The following VAMP7 variants were observed in gnomAD, a reference collection of about 807,000 sequenced individuals.
VAMP7 encodes the protein vesicle-associated membrane protein 7.
A neutral mutation model predicts 29.6 loss-of-function variants in VAMP7; 14 were observed. The ratio of observed to expected loss-of-function variants is 0.47; its 90% CI spans 0.31 to 0.74. The LOEUF (loss-of-function observed/expected upper bound fraction) is 0.74, where lower values mean the gene tolerates loss of function less well. Among genes scored for constraint, VAMP7 ranks in the 30% least tolerant of loss-of-function variants. VAMP7 has a pLI of 0.05. For synonymous variants in VAMP7, 95 were observed against 88.1 expected (o/e 1.08, Z -0.44); for missense variants, 223 against 262.4 (o/e 0.85, Z 1.04).
intron 6 of VAMP7, among the ~76,000 whole-genome samples, chrX:155,921,489 C>G (rs1428067845): frequency 6.6e-6 from 1 of 152,112 alleles, no homozygotes; most frequent in Non-Finnish European, 1.5e-5. Flanking sequence ...TTATTTGTGT[C>G]TGGCCTCTTT....
chrX:155,888,616 A>G lies in VAMP7; in HGVS notation c.-9-842A>G, dbSNP rs191585276. On this transcript the variant is annotated intron_variant, in intron 1 of 7. Transcript: ENST00000286448. ...GAAATAATAGCACATATTCATAGGCAGACATAAGGAAAATAATCTTAAACT... is the reference window on the plus strand; with the variant it reads ...GAAATAATAGCACATATTCATAGGCGGACATAAGGAAAATAATCTTAAACT... Among the ~76,000 whole-genome samples, 55 of 152,332 alleles carry G rather than the reference A, an allele frequency of 3.6e-4. 1 individual carries two copies. Among genetic ancestry groups the G allele is most frequent in the African/African-American group, 1.3e-3 (52 of 41,576 alleles).
intron 5 of VAMP7, among the ~76,000 whole-genome samples, chrX:155,904,664 C>T (rs1309043309): frequency 1.3e-5 from 2 of 151,916 alleles, no homozygotes; most frequent in Non-Finnish European, 2.9e-5. Flanking sequence ...CTGGACATTT[C>T]GTATAAATGG....
At chrX:155,930,687 T>C (rs1312612625) in intron 6 of VAMP7, among the ~76,000 whole-genome samples, 5 of 150,226 alleles carry the variant, frequency 3.3e-5, no homozygotes, top group African/African-American at 1.2e-4. Flanking sequence ...TAATTCTTTT[T>C]TATTTTTTAT....
intron 5 of VAMP7, among the ~76,000 whole-genome samples, chrX:155,907,280 A>C (rs776215985): frequency 6.7e-6 from 1 of 150,106 alleles, no homozygotes; most frequent in South Asian, 2.1e-4. Context: ...TATTTATTTT[A>C]TTATTTTTTT....
chrX:155,905,355 G>A (rs753152812), intron 5 of VAMP7, among the ~76,000 whole-genome samples: 11 of 152,004 alleles, frequency 7.2e-5, no homozygotes, highest in African/African-American at 2.7e-4. Flanking sequence ...CAAATATTTT[G>A]CTCTATTCTG....
rs1791798292 is a variant in VAMP7, at chrX:155,943,373, T to C, written c.*1422T>C. The C allele has an allele frequency of 6.6e-6, 1 of 152,338 alleles. No individual in the cohort carries two copies. Among genetic ancestry groups the C allele is most frequent in the Non-Finnish European group, 1.5e-5 (1 of 67,984 alleles). 9.4% of individuals were successfully genotyped at this position (152,338 alleles called of 1,614,324 possible). A position where few individuals can be genotyped will look rare whatever the true frequency, so the allele number is the denominator to read the frequency against. On this transcript the variant is annotated 3_prime_UTR_variant, in exon 8 of 8. Transcript: ENST00000286448. ...TGTTCTTCTATCCAAACCTTTCAAT[T>C]CATGCTACCTGATTCATTTATTTGA...
At chrX:155,902,699 T>G (rs2066083221) in intron 5 of VAMP7, among the ~76,000 whole-genome samples, 1 of 152,034 alleles carries the variant, frequency 6.6e-6, no homozygotes, top group Non-Finnish European at 1.5e-5. Flanking sequence ...TGAACCAGCC[T>G]TGCATCCCAG....
intron 5 of VAMP7, among the ~76,000 whole-genome samples, chrX:155,917,871 G>C (rs1047855620): frequency 5.9e-5 from 9 of 152,170 alleles, no homozygotes; most frequent in African/African-American, 2.2e-4. Flanking sequence ...CGAACTGGCA[G>C]GCAGGAACGT....
At chrX:155,881,846 C>T (rs1374786956) in intron 1 of VAMP7, among the ~76,000 whole-genome samples, 1 of 152,136 alleles carries the variant, frequency 6.6e-6, no homozygotes, top group Non-Finnish European at 1.5e-5. Flanking sequence ...TGTTTATGCT[C>T]CTTCGTGGGT....
At chrX:155,888,201 C>T (rs1330430035) in intron 1 of VAMP7, among the ~76,000 whole-genome samples, 5 of 152,128 alleles carry the variant, frequency 3.3e-5, no homozygotes, top group Non-Finnish European at 5.9e-5. Context: ...GCTGTCCTTC[C>T]ATGCTGGGAT....
At chrX:155,894,890 A>G (rs1012225982) in intron 2 of VAMP7, among the ~76,000 whole-genome samples, 42 of 152,242 alleles carry the variant, frequency 2.8e-4, no homozygotes, top group Non-Finnish European at 5.9e-4. Flanking sequence ...TGCTAGGATT[A>G]CAGGCATGAG....
chrX:155,931,060 G>A (rs940925836), intron 6 of VAMP7, among the ~76,000 whole-genome samples: 53 of 152,186 alleles, frequency 3.5e-4, no homozygotes, highest in Admixed American at 9.8e-4. Context: ...TTACGGCTGC[G>A]TAGTATTTCA....
At chrX:155,904,905 A>G (rs1482762190) in intron 5 of VAMP7, among the ~76,000 whole-genome samples, 2 of 84,530 alleles carry the variant, frequency 2.4e-5, no homozygotes, top group Admixed American at 1.2e-4. Context: ...TATATTATAT[A>G]TTATATATAT....
chrX:155,931,027 A>G (rs1386766025), intron 6 of VAMP7, among the ~76,000 whole-genome samples: 1 of 152,188 alleles, frequency 6.6e-6, no homozygotes, highest in East Asian at 1.9e-4. Flanking sequence ...ATGTCCCTGC[A>G]AAGGACATGA....
intron 5 of VAMP7, among the ~76,000 whole-genome samples, chrX:155,917,874 AGGAAC>A (rs1192942893): frequency 2.0e-5 from 3 of 152,166 alleles, no homozygotes; most frequent in African/African-American, 7.2e-5. Flanking sequence ...ACTGGCAGGC[AGGAAC>A]GTTTAAGTCT....
intron 5 of VAMP7, among the ~76,000 whole-genome samples, chrX:155,919,514 A>G (rs1233077837): frequency 4.6e-5 from 7 of 152,148 alleles, no homozygotes; most frequent in Non-Finnish European, 2.9e-5. Flanking sequence ...GATTATGGGT[A>G]CATTCAGTAG....
chrX:155,926,733 A>G (rs2066472360), intron 6 of VAMP7, among the ~76,000 whole-genome samples: 1 of 152,218 alleles, frequency 6.6e-6, no homozygotes, highest in South Asian at 2.1e-4. Flanking sequence ...GGCCCATCTC[A>G]GCTTTCGACA....
At chrX:155,912,671 C>A (rs1052465814) in intron 5 of VAMP7, among the ~76,000 whole-genome samples, 1 of 152,110 alleles carries the variant, frequency 6.6e-6, no homozygotes, top group Non-Finnish European at 1.5e-5. Context: ...TCATCCATGT[C>A]CCTGCAAAGG....
chrX:155,916,496 G>C (rs1298529554), intron 5 of VAMP7, among the ~76,000 whole-genome samples: 2 of 152,078 alleles, frequency 1.3e-5, no homozygotes, highest in Admixed American at 1.3e-4. Context: ...GCTGGTACTG[G>C]TTTTTCCTTT....
Sources: allele counts gnomAD v4.1 joint callset (sites outside exome capture counted in the v4.1 genomes callset), GRCh38; gene constraint gnomAD v4.1.1; transcripts MANE v1.5; gene names NCBI Gene and HGNC (gene_info 2026-07-23, HGNC 2026-07-21).